CFAP57: variants seen among roughly 807,000 people sequenced by gnomAD.
CFAP57 encodes the protein cilia- and flagella-associated protein 57.
A neutral mutation model predicts 146.8 loss-of-function variants in CFAP57; 116 were observed. That is an observed-to-expected ratio of 0.79 (90% CI 0.68 to 0.92). The LOEUF (loss-of-function observed/expected upper bound fraction) is 0.92, where lower values mean the gene tolerates loss of function less well. CFAP57 is among the 40% of genes least tolerant of loss of function. The pLI, the probability that CFAP57 is intolerant of heterozygous loss-of-function variation, is 0.00. For missense variants in CFAP57, 1,377 were observed against 1,527.2 expected (o/e 0.90, Z 1.64); for synonymous variants, 518 against 552.8 (o/e 0.94, Z 0.88).
chr1:43,248,615 C>T lies in CFAP57; in HGVS notation c.3538+5256C>T, dbSNP rs143174196. 5.5e-3 allele frequency among the ~76,000 whole-genome samples: 831 copies of T among 151,880 alleles called. 10 individuals carry two copies. The highest frequency in any genetic ancestry group is 0.019 in the African/African-American group (789 of 41,426). Reference sequence around the variant, plus strand: ...GATTACAGACATGAGCCACAGTACCCGGCCATAAAAAAATTTTCATGTCCA... The same window carrying T: ...GATTACAGACATGAGCCACAGTACCTGGCCATAAAAAAATTTTCATGTCCA... On this transcript the variant is annotated intron_variant, in intron 22 of 22. Transcript: ENST00000372492.
At chr1:43,244,956 G>T (rs12140578) in intron 22 of CFAP57, among the ~76,000 whole-genome samples, 6 of 152,146 alleles carry the variant, frequency 3.9e-5, no homozygotes, top group African/African-American at 1.4e-4. Context: ...CTTCTCAGAG[G>T]TGAAACCATC....
At chr1:43,186,974 C>A in intron 6 of CFAP57, 115 bp downstream of exon 6, 1 of 1,270,422 alleles carries the variant, frequency 7.9e-7, no homozygotes, top group East Asian at 2.4e-5. Context: ...CATGCATCCC[C>A]TTAATACAGA....
At chr1:43,224,609 C>T (rs980293651) in intron 17 of CFAP57, among the ~76,000 whole-genome samples, 1 of 152,220 alleles carries the variant, frequency 6.6e-6, no homozygotes, top group African/African-American at 2.4e-5. Flanking sequence ...CACATGGTCC[C>T]CCTGTCGCAG....
intron 6 of CFAP57, among the ~76,000 whole-genome samples, chr1:43,196,008 G>A (rs1054276656): frequency 6.6e-6 from 1 of 152,208 alleles, no homozygotes; most frequent in African/African-American, 2.4e-5. Context: ...CATCAGATGA[G>A]ATTTAGAATT....
chr1:43,249,607 T>C (rs1646261733), intron 22 of CFAP57, among the ~76,000 whole-genome samples: 1 of 144,144 alleles, frequency 6.9e-6, no homozygotes, highest in South Asian at 2.2e-4. Flanking sequence ...CTTTTTTTTT[T>C]TTTTTTTTTT....
chr1:43,241,284 A>G (rs1038686428), intron 21 of CFAP57, among the ~76,000 whole-genome samples: 3 of 152,208 alleles, frequency 2.0e-5, no homozygotes, highest in Non-Finnish European at 4.4e-5. Context: ...ACTGGGGATC[A>G]GTTTTCAACA....
intron 10 of CFAP57, 115 bp downstream of exon 10, chr1:43,207,047 C>A: frequency 9.8e-7 from 1 of 1,022,036 alleles, no homozygotes; most frequent in African/African-American, 1.6e-5. Context: ...AGGGCCCCTT[C>A]TTCCCAAGAT....
At chr1:43,244,993 G>T (rs1014975965) in intron 22 of CFAP57, among the ~76,000 whole-genome samples, 10 of 151,732 alleles carry the variant, frequency 6.6e-5, no homozygotes, top group Non-Finnish European at 1.5e-4. Flanking sequence ...GCACAGATGT[G>T]AACAATTGCA....
intron 2 of CFAP57, among the ~76,000 whole-genome samples, chr1:43,178,521 G>A (rs938513992): frequency 1.3e-5 from 2 of 152,124 alleles, no homozygotes; most frequent in Admixed American, 6.6e-5. Context: ...GCAGCCAACC[G>A]ACACATGAAA....
chr1:43,225,376 C>T (rs507277), intron 17 of CFAP57, among the ~76,000 whole-genome samples: 19,306 of 152,214 alleles, frequency 0.13, 2,207 homozygotes, highest in African/African-American at 0.31. Flanking sequence ...TCTGTCTCAA[C>T]GAATCAACAC....
chr1:43,184,234 C>T, intron 4 of CFAP57, among the ~76,000 whole-genome samples: 1 of 152,140 alleles, frequency 6.6e-6, no homozygotes, highest in East Asian at 1.9e-4. Flanking sequence ...TTGCTAGATG[C>T]TGGGGACACA....
rs746742789 is a variant in CFAP57 at position 43,222,962 on chromosome 1, C to A, written c.2671C>A (p.Arg891=). Residue 891 remains arginine (R), a synonymous_variant, in exon 16 of 23, where the codon CGG becomes AGG. Transcript: ENST00000372492. ...KLRDEKESNL[R]LKGETGIMRK... ...TCGGGATGAAAAGGAATCAAACCTG[C>A]GGCTCAAGGGAGAAACAGGCATCAT... 9.0e-6 allele frequency: 14 copies of A among 1,549,948 alleles called. No homozygotes were observed. Among genetic ancestry groups the A allele is most frequent in the Non-Finnish European group, 1.2e-5 (14 of 1,146,682 alleles).
intron 22 of CFAP57, among the ~76,000 whole-genome samples, chr1:43,248,131 T>A (rs1325259570): frequency 1.1e-5 from 1 of 92,370 alleles, no homozygotes; most frequent in Non-Finnish European, 2.0e-5. Flanking sequence ...AGAGCAAGAC[T>A]CTGTCTCAAA....
At chr1:43,250,003 C>T (rs753281921) in intron 22 of CFAP57, among the ~76,000 whole-genome samples, 2 of 152,146 alleles carry the variant, frequency 1.3e-5, no homozygotes, top group African/African-American at 4.8e-5. Flanking sequence ...TGTATGCTGA[C>T]AATTTCATTC....
intron 2 of CFAP57, among the ~76,000 whole-genome samples, chr1:43,180,037 T>A (rs1019013762): frequency 6.6e-6 from 1 of 151,508 alleles, no homozygotes; most frequent in Non-Finnish European, 1.5e-5. Flanking sequence ...AGAAACCCTG[T>A]CTCTACTAAA....
chr1:43,248,379 G>T (rs916566964), intron 22 of CFAP57, among the ~76,000 whole-genome samples: 1 of 147,732 alleles, frequency 6.8e-6, no homozygotes, highest in African/African-American at 2.5e-5. Context: ...GTGCAGTGGC[G>T]CAATCTCGGC....
chr1:43,173,886 A>G lies in CFAP57; in HGVS notation c.157+976A>G, dbSNP rs547714703. On this transcript the variant is annotated intron_variant, in intron 2 of 22. Transcript: ENST00000372492. ...CAATTTACACTCCCACTAGAAGTGC[A>G]TAAGAGTTCTTATTCCTCAGCAACC... 5.9e-5 allele frequency among the ~76,000 whole-genome samples: 9 copies of G among 152,360 alleles called. No individual in the cohort carries two copies. In the South Asian group the frequency reaches 1.7e-3, roughly 28 times the overall value.
At chr1:43,241,664 T>G (rs559244850) in intron 21 of CFAP57, among the ~76,000 whole-genome samples, 1 of 152,292 alleles carries the variant, frequency 6.6e-6, no homozygotes, top group East Asian at 1.9e-4. Context: ...GACCCTCAGG[T>G]GCTTTGCAAC....
At chr1:43,221,268 G>T (rs1645034298) in intron 13 of CFAP57, 104 bp from the exon 14 acceptor site, 2 of 752,338 alleles carry the variant, frequency 2.7e-6, no homozygotes, top group South Asian at 5.1e-5. Context: ...GAGGGCTTGA[G>T]AAATGTTTGT....
Sources: allele counts gnomAD v4.1 joint callset (sites outside exome capture counted in the v4.1 genomes callset), GRCh38; gene constraint gnomAD v4.1.1; transcripts MANE v1.5; gene names NCBI Gene and HGNC (gene_info 2026-07-23, HGNC 2026-07-21).